Variants in ADGRL3 observed in about 807,000 individuals in gnomAD.
ADGRL3 encodes the protein adhesion G protein-coupled receptor L3.
In ADGRL3, 62 loss-of-function variants were observed where a neutral mutation model predicts 153.5. The observed-to-expected ratio is 0.40, with a 90% CI of 0.33 to 0.50. The LOEUF (loss-of-function observed/expected upper bound fraction) is 0.50, where lower values mean the gene tolerates loss of function less well. Ranked by LOEUF, ADGRL3 falls within the 20% of genes least tolerant of loss-of-function variation. ADGRL3 has a pLI of 0.47. For synonymous variants in ADGRL3, 710 were observed against 672.5 expected, an observed-to-expected ratio of 1.06 and a Z score of -0.86; for missense variants, 1,641 against 1,859.4, an observed-to-expected ratio of 0.88 and a Z score of 2.16.
intron 2 of ADGRL3, among the ~76,000 whole-genome samples, chr4:61,434,195 G>C (rs755469807): frequency 2.0e-4 from 30 of 152,220 alleles, no homozygotes; most frequent in Non-Finnish European, 4.1e-4. Context: ...GTGATGGATT[G>C]ATGGGGGCTT....
At chr4:61,788,347 T>A (rs2097301697) in intron 8 of ADGRL3, among the ~76,000 whole-genome samples, 1 of 152,072 alleles carries the variant, frequency 6.6e-6, no homozygotes, top group Admixed American at 6.6e-5. Context: ...TGAAGACAGA[T>A]CACATCACAT....
intron 8 of ADGRL3, among the ~76,000 whole-genome samples, chr4:61,742,914 T>C (rs994774907): frequency 3.3e-5 from 5 of 152,192 alleles, no homozygotes; most frequent in African/African-American, 1.2e-4. Flanking sequence ...ACTTTTTGCA[T>C]CTATTTATAC....
At chr4:61,397,372 G>A (rs184293448) in intron 2 of ADGRL3, among the ~76,000 whole-genome samples, 9 of 151,996 alleles carry the variant, frequency 5.9e-5, no homozygotes, top group Non-Finnish European at 1.0e-4. Context: ...CTCCATTTGT[G>A]TTCTATCCAG....
Position 61,623,765 on chromosome 4 carries a change from T to C in ADGRL3, c.473+36325T>C, listed in dbSNP as rs191287867. Among the ~76,000 whole-genome samples, 565 of 152,244 alleles carry C rather than the reference T, an allele frequency of 3.7e-3. 3 individuals carry two copies. The highest frequency in any genetic ancestry group is 6.9e-3 in the Non-Finnish European group (471 of 68,008). ...ATAACCCTAAGAAGTATATTATTAG[T>C]CTGATAGATGTCCTCTGAAAGCTAA... is the stretch of plus-strand genomic sequence containing the variant. On this transcript the variant is annotated intron_variant, in intron 5 of 26. Coordinates refer to ENST00000683033, the MANE Select transcript of ADGRL3 (RefSeq NM_001387552.1).
chr4:62,035,019 A>C (rs2151554218), intron 23 of ADGRL3, among the ~76,000 whole-genome samples: 1 of 152,106 alleles, frequency 6.6e-6, no homozygotes, highest in East Asian at 1.9e-4. Context: ...TGCCATGTGA[A>C]ATAGTAGATT....
chr4:61,465,877 T>C (rs1450189614), intron 2 of ADGRL3, among the ~76,000 whole-genome samples: 3 of 151,380 alleles, frequency 2.0e-5, no homozygotes, highest in South Asian at 2.1e-4. Flanking sequence ...ACCCGAGGAC[T>C]TGGGGAGGCC....
At chr4:61,999,059 C>T (rs1016919154) in intron 21 of ADGRL3, among the ~76,000 whole-genome samples, 2 of 152,118 alleles carry the variant, frequency 1.3e-5, no homozygotes, top group African/African-American at 2.4e-5. Flanking sequence ...TAGATGGCTG[C>T]CATCCCCTTC....
chr4:61,391,855 C>CTTT (rs869176171), intron 2 of ADGRL3, among the ~76,000 whole-genome samples: 2,624 of 92,950 alleles, frequency 0.028, 197 homozygotes, highest in Non-Finnish European at 0.031. Context: ...AAAAATGCTA[C>CTTT]TTTTTTTTTT....
chr4:61,835,172 A>G (rs185108141), intron 9 of ADGRL3, among the ~76,000 whole-genome samples: 16 of 152,226 alleles, frequency 1.1e-4, no homozygotes, highest in Admixed American at 8.5e-4. Context: ...AGATATTGGG[A>G]GGAATCTATC....
intron 17 of ADGRL3, among the ~76,000 whole-genome samples, chr4:61,976,338 C>T (rs1052653743): frequency 2.6e-5 from 4 of 152,084 alleles, no homozygotes; most frequent in Non-Finnish European, 5.9e-5. Context: ...CACAGACCGC[C>T]TTCCTAGAAG....
At chr4:61,448,947 AT>A (rs1014223565) in intron 2 of ADGRL3, among the ~76,000 whole-genome samples, 4 of 151,760 alleles carry the variant, frequency 2.6e-5, no homozygotes, top group African/African-American at 4.8e-5. Flanking sequence ...TAATTAGGAG[AT>A]TTTTTTGAGA....
intron 1 of ADGRL3, among the ~76,000 whole-genome samples, chr4:61,330,119 T>G (rs1003393881): frequency 1.3e-5 from 2 of 152,210 alleles, no homozygotes; most frequent in Non-Finnish European, 2.9e-5. Flanking sequence ...TAATTGAAGT[T>G]TTCTTTTTTA....
chr4:62,067,965 T>C (rs1247557098), intron 25 of ADGRL3, among the ~76,000 whole-genome samples: 2 of 152,108 alleles, frequency 1.3e-5, no homozygotes, highest in Non-Finnish European at 2.9e-5. Flanking sequence ...GGGGGATTTC[T>C]TATTTTCTGA....
chr4:61,670,684 G>A (rs1356409071), intron 5 of ADGRL3, among the ~76,000 whole-genome samples: 2 of 152,110 alleles, frequency 1.3e-5, no homozygotes, highest in Non-Finnish European at 2.9e-5. Flanking sequence ...TGCAAAAAAT[G>A]ATGCTGAGCT....
chr4:61,792,104 A>C (rs2097350199), intron 8 of ADGRL3, among the ~76,000 whole-genome samples: 1 of 152,294 alleles, frequency 6.6e-6, no homozygotes, highest in African/African-American at 2.4e-5. Flanking sequence ...TCAGAAAATG[A>C]GATTTTCTTT....
At chr4:61,582,557 A>T (rs985957351) in intron 4 of ADGRL3, among the ~76,000 whole-genome samples, 2 of 151,908 alleles carry the variant, frequency 1.3e-5, no homozygotes, top group Non-Finnish European at 2.9e-5. Context: ...TGTGGTGTAT[A>T]TGTACCATAT....
chr4:61,755,230 C>A (rs936958300), intron 8 of ADGRL3, among the ~76,000 whole-genome samples: 5 of 152,054 alleles, frequency 3.3e-5, no homozygotes, highest in African/African-American at 1.2e-4. Context: ...TTTACAGTCC[C>A]ACCAACAGTG....
intron 5 of ADGRL3, among the ~76,000 whole-genome samples, chr4:61,662,068 G>A (rs140262514): frequency 5.8e-4 from 89 of 152,336 alleles, no homozygotes; most frequent in Non-Finnish European, 1.0e-3. Context: ...AGCTACAGTC[G>A]GGGAGGCAAG....
At position 61,643,523 on chromosome 4, in the gene ADGRL3, C is replaced by CT. The variant is rs1249897572; in HGVS notation, c.474-33297dup. 8.6e-5 allele frequency among the ~76,000 whole-genome samples: 13 copies of CT among 151,886 alleles called. No individual in the cohort carries two copies. The South Asian group carries it at 2.5e-3, about 29-fold the overall frequency. On this transcript the variant is annotated intron_variant, in intron 5 of 26. Transcript: ENST00000683033. The stretch of plus-strand genomic sequence containing the variant: ...AGGGTTGTTGAATTTTGTCAAAGGA[C>CT]TTTTTTGCATCTATTGAGATAATCA...
Sources: allele counts gnomAD v4.1 joint callset (sites outside exome capture counted in the v4.1 genomes callset), GRCh38; gene constraint gnomAD v4.1.1; transcripts MANE v1.5; gene names NCBI Gene and HGNC (gene_info 2026-07-23, HGNC 2026-07-21).